Variants in TLN2 observed in about 807,000 individuals in gnomAD.
TLN2 encodes talin-2.
Under a neutral mutation model 294.7 loss-of-function variants are expected in TLN2, and 118 were observed. The ratio of observed to expected loss-of-function variants is 0.40; its 90% CI spans 0.34 to 0.47. The LOEUF (loss-of-function observed/expected upper bound fraction) is 0.47, where lower values mean the gene tolerates loss of function less well. Ranked by LOEUF, TLN2 falls within the 20% of genes least tolerant of loss-of-function variation. The pLI is 0.84. For missense variants in TLN2, 3,083 were observed against 3,282.2 expected (o/e 0.94, Z 1.48); for synonymous variants, 1,431 against 1,304.5 (o/e 1.10, Z -2.09).
chr15:62,805,451 G>C (rs1470195435), intron 50 of TLN2, 149 bp from the exon 51 acceptor site: 3 of 754,492 alleles, frequency 4.0e-6, no homozygotes, highest in Non-Finnish European at 6.2e-6. Flanking sequence ...CCATATTACT[G>C]TACTCAAATT....
chr15:62,739,263 T>C lies in TLN2; in HGVS notation c.3688-85T>C, dbSNP rs1237841601. 4 of 1,434,942 alleles carry C rather than the reference T, an allele frequency of 2.8e-6. No individual in the cohort carries two copies. The East Asian group carries it at 9.3e-5, about 33-fold the overall frequency. 88.9% of individuals were successfully genotyped at this position (1,434,942 alleles called of 1,614,324 possible). A position where few individuals can be genotyped will look rare whatever the true frequency, so the allele number is the denominator to read the frequency against. On this transcript the variant is annotated intron_variant, in intron 30 of 58. Coordinates refer to ENST00000636159, the MANE Select transcript of TLN2 (RefSeq NM_015059.3). ...ATGACTCAAATGCATCTCTGAAGAGTCTGTCTCCCTTCCACAATACCTTCC... is the reference window on the plus strand; with the variant it reads ...ATGACTCAAATGCATCTCTGAAGAGCCTGTCTCCCTTCCACAATACCTTCC...
At chr15:62,529,960 G>C (rs961112396) in intron 1 of TLN2, among the ~76,000 whole-genome samples, 1 of 152,146 alleles carries the variant, frequency 6.6e-6, no homozygotes, top group Non-Finnish European at 1.5e-5. Context: ...GGGAGGCTAA[G>C]GGGGGCGGAT....
intron 41 of TLN2, among the ~76,000 whole-genome samples, chr15:62,766,677 G>A (rs1407842779): frequency 3.3e-5 from 5 of 152,192 alleles, no homozygotes; most frequent in Admixed American, 6.5e-5. Context: ...GGCCAGAGAT[G>A]TAATTTGGCA....
intron 1 of TLN2, among the ~76,000 whole-genome samples, chr15:62,487,319 G>A (rs368543613): frequency 1.6e-4 from 24 of 152,192 alleles, no homozygotes; most frequent in South Asian, 4.1e-4. Context: ...CCTTGTAGAC[G>A]TGATTCTGAG....
chr15:62,433,655 A>G (rs1049391331), intron 1 of TLN2, among the ~76,000 whole-genome samples: 2 of 152,078 alleles, frequency 1.3e-5, no homozygotes, highest in Non-Finnish European at 2.9e-5. Context: ...GCCTTTGTAC[A>G]TAAGGGCCCC....
intron 58 of TLN2, 117 bp from the exon 59 acceptor site, chr15:62,840,365 G>C (rs781322543): frequency 7.0e-7 from 1 of 1,423,242 alleles, no homozygotes; most frequent in Non-Finnish European, 9.5e-7. Context: ...AAGCTGTTCC[G>C]GATGTGCTGC....
At chr15:62,480,732 T>A (rs2038042627) in intron 1 of TLN2, among the ~76,000 whole-genome samples, 1 of 152,190 alleles carries the variant, frequency 6.6e-6, no homozygotes, top group Non-Finnish European at 1.5e-5. Flanking sequence ...CACTTGGGAC[T>A]GTCTTCCCTC....
intron 1 of TLN2, among the ~76,000 whole-genome samples, chr15:62,585,817 G>A (rs1312184398): frequency 6.6e-6 from 1 of 152,124 alleles, no homozygotes; most frequent in Non-Finnish European, 1.5e-5. Flanking sequence ...TTGGAGACAT[G>A]TTCTGTCTCA....
rs573186344 is a variant in TLN2, at chr15:62,423,248, A to C, written c.-238+32563A>C. On this transcript the variant is annotated intron_variant, in intron 1 of 58. Coordinates refer to ENST00000636159, the MANE Select transcript of TLN2 (RefSeq NM_015059.3). Reference sequence around the variant, plus strand: ...GTCTCTACAAAAAAATTATCTGGGCATGGTGGCGTGAGCTTGTAGTCCCAG... The same window carrying C: ...GTCTCTACAAAAAAATTATCTGGGCCTGGTGGCGTGAGCTTGTAGTCCCAG... Among the ~76,000 whole-genome samples the C allele has an allele frequency of 4.1e-4, 63 of 152,252 alleles. 1 individual carries two copies. In the South Asian group the frequency reaches 0.011, roughly 26 times the overall value.
chr15:62,445,652 T>A (rs2035779253), intron 1 of TLN2, among the ~76,000 whole-genome samples: 1 of 140,210 alleles, frequency 7.1e-6, no homozygotes, highest in Non-Finnish European at 1.5e-5. Flanking sequence ...CAGTATTAGA[T>A]TTTTTTTTTT....
chr15:62,597,670 A>T (rs117332406), intron 2 of TLN2, among the ~76,000 whole-genome samples: 2,809 of 152,224 alleles, frequency 0.018, 43 homozygotes, highest in Middle Eastern at 0.031. Flanking sequence ...CCTTATCCAG[A>T]CTGCTTGGGT....
chr15:62,674,155 T>C lies in TLN2; in HGVS notation c.852+265T>C, dbSNP rs530945252. Among the ~76,000 whole-genome samples, 225 of 152,362 alleles carry C rather than the reference T, an allele frequency of 1.5e-3. 2 individuals carry two copies. The highest frequency in any genetic ancestry group is 5.2e-3 in the African/African-American group (217 of 41,592). ...TTTCAAAGGCATTATCTTGGTAACA[T>C]TGAAACAAGGTGATAGACTGTTAAC... On this transcript the variant is annotated intron_variant, in intron 10 of 58. Coordinates refer to ENST00000636159, the MANE Select transcript of TLN2 (RefSeq NM_015059.3).
intron 1 of TLN2, among the ~76,000 whole-genome samples, chr15:62,562,463 T>C (rs1220478564): frequency 6.6e-6 from 1 of 152,202 alleles, no homozygotes; most frequent in African/African-American, 2.4e-5. Context: ...TCCTTGCCTG[T>C]CTGATGCAGC....
At chr15:62,815,175 TGTCACACA>T in intron 52 of TLN2, among the ~76,000 whole-genome samples, 1 of 51,578 alleles carries the variant, frequency 1.9e-5, no homozygotes, top group African/African-American at 4.1e-5. Flanking sequence ...TTATTCTGTC[TGTCACACA>T]CACACACACA....
chr15:62,643,555 A>G (rs779955188), intron 3 of TLN2, among the ~76,000 whole-genome samples: 1 of 151,750 alleles, frequency 6.6e-6, no homozygotes, highest in Non-Finnish European at 1.5e-5. Flanking sequence ...TTGAACACCT[A>G]CCCTGAACTA....
At chr15:62,632,185 C>T (rs913245605) in intron 3 of TLN2, among the ~76,000 whole-genome samples, 4 of 152,240 alleles carry the variant, frequency 2.6e-5, no homozygotes, top group Non-Finnish European at 5.9e-5. Context: ...TAGTCTCATT[C>T]TGGGGACTAG....
intron 1 of TLN2, among the ~76,000 whole-genome samples, chr15:62,576,205 T>A (rs1464929293): frequency 6.6e-6 from 1 of 151,772 alleles, no homozygotes; most frequent in Non-Finnish European, 1.5e-5. Flanking sequence ...TGTTTTAAAG[T>A]TGTGCTCGAG....
chr15:62,711,845 CT>C, intron 21 of TLN2, 65 bp from the exon 22 acceptor site: 1 of 1,525,658 alleles, frequency 6.6e-7, no homozygotes, highest in South Asian at 1.3e-5. Flanking sequence ...ACTGTAGTGG[CT>C]CCTGAGGTTT....
intron 1 of TLN2, among the ~76,000 whole-genome samples, chr15:62,481,798 C>CTTTTTTTTTTTTTTTTTTTTTTTTTTTTT (rs60002079): frequency 8.6e-6 from 1 of 115,744 alleles, no homozygotes. Flanking sequence ...TTCTTTCTTT[C>CTTTTTTTTTTTTTTTTTTTTTTTTTTTTT]TTTTTTTTTT....
Sources: gnomAD v4.1 joint callset for allele counts (sites outside exome capture counted in the v4.1 genomes callset) on GRCh38, gnomAD v4.1.1 for gene constraint, MANE v1.5 for transcripts, NCBI Gene and HGNC (gene_info 2026-07-23, HGNC 2026-07-21) for gene names.